The following MTUS2 variants were observed in gnomAD, a reference collection of about 807,000 sequenced individuals.
MTUS2 encodes microtubule-associated tumor suppressor candidate 2.
MTUS2 carries 40 observed loss-of-function variants against 114.1 expected under a neutral mutation model. The observed-to-expected ratio is 0.35, with a 90% confidence interval of 0.27 to 0.46. The LOEUF (loss-of-function observed/expected upper bound fraction) is 0.46, where lower values mean the gene tolerates loss of function less well. MTUS2 is among the 20% of genes least tolerant of loss of function. The pLI, the probability that MTUS2 is intolerant of heterozygous loss-of-function variation, is 1.00. For missense variants in MTUS2, 1,679 were observed against 1,705.4 expected (o/e 0.98, Z 0.27); for synonymous variants, 688 against 672.0 (o/e 1.02, Z -0.37).
At chr13:28,978,615 T>G (rs2138284358) in intron 2 of MTUS2, among the ~76,000 whole-genome samples, 1 of 152,350 alleles carries the variant, frequency 6.6e-6, no homozygotes, top group South Asian at 2.1e-4. Context: ...TCATTGGAAA[T>G]TACTGTGATG....
At chr13:28,996,309 AT>A (rs1333416016) in intron 2 of MTUS2, among the ~76,000 whole-genome samples, 5 of 152,138 alleles carry the variant, frequency 3.3e-5, no homozygotes, top group African/African-American at 4.8e-5. Context: ...CCAGTGTTTT[AT>A]TGGGGATTTT....
At chr13:28,862,147 C>A (rs920774903) in intron 2 of MTUS2, among the ~76,000 whole-genome samples, 1 of 152,138 alleles carries the variant, frequency 6.6e-6, no homozygotes, top group African/African-American at 2.4e-5. Context: ...AAGGAAATAG[C>A]ACAGATCAAT....
At chr13:28,944,539 A>G (rs1284214745) in intron 2 of MTUS2, among the ~76,000 whole-genome samples, 2 of 152,216 alleles carry the variant, frequency 1.3e-5, no homozygotes, top group African/African-American at 4.8e-5. Context: ...GGTCTTGTAT[A>G]TAATGACATT....
intron 2 of MTUS2, among the ~76,000 whole-genome samples, chr13:28,901,307 G>A (rs562897420): frequency 1.2e-3 from 183 of 152,228 alleles, no homozygotes; most frequent in African/African-American, 4.2e-3. Context: ...CTCCCAATGC[G>A]TAGCTTCTCT....
intron 5 of MTUS2, among the ~76,000 whole-genome samples, chr13:29,274,096 TTTTTG>T (rs1035629009): frequency 6.6e-6 from 1 of 151,676 alleles, no homozygotes; most frequent in African/African-American, 2.4e-5. Context: ...TTCTGTTTGT[TTTTTG>T]TTTTGTTTGT....
At chr13:29,335,983 T>C (rs1339966784) in intron 7 of MTUS2, among the ~76,000 whole-genome samples, 1 of 152,226 alleles carries the variant, frequency 6.6e-6, no homozygotes, top group East Asian at 1.9e-4. Flanking sequence ...GATTTGGCTA[T>C]TGAAACTTGT....
At chr13:28,826,303 ATTACT>A (rs1207234618) in intron 1 of MTUS2, among the ~76,000 whole-genome samples, 3 of 152,196 alleles carry the variant, frequency 2.0e-5, no homozygotes, top group African/African-American at 7.2e-5. Flanking sequence ...ATAAAAAATG[ATTACT>A]TTGGTCTCTT....
chr13:29,139,665 AATT>A (rs1892133842), intron 5 of MTUS2, among the ~76,000 whole-genome samples: 1 of 152,204 alleles, frequency 6.6e-6, no homozygotes, highest in Non-Finnish European at 1.5e-5. Flanking sequence ...AGATCTAGGT[AATT>A]ATTGCATTGT....
chr13:29,195,539 GAAAAAAAAAA>G (rs59726006), intron 5 of MTUS2, among the ~76,000 whole-genome samples: 1 of 78,522 alleles, frequency 1.3e-5, no homozygotes, highest in Non-Finnish European at 2.6e-5. Flanking sequence ...ACTTAATTCT[GAAAAAAAAAA>G]AAAAAAAAAA....
chr13:29,355,123 A>G (rs933451853), intron 7 of MTUS2, among the ~76,000 whole-genome samples: 1 of 152,252 alleles, frequency 6.6e-6, no homozygotes, highest in African/African-American at 2.4e-5. Flanking sequence ...TTCATCCATT[A>G]CAATCCTCTG....
At chr13:29,341,698 T>C (rs1300162544) in intron 7 of MTUS2, among the ~76,000 whole-genome samples, 2 of 152,186 alleles carry the variant, frequency 1.3e-5, no homozygotes, top group Non-Finnish European at 2.9e-5. Context: ...TTTGGGTTCG[T>C]GGTCATAAAA....
At chr13:28,928,722 C>T (rs1421628338) in intron 2 of MTUS2, among the ~76,000 whole-genome samples, 1 of 152,196 alleles carries the variant, frequency 6.6e-6, no homozygotes, top group Non-Finnish European at 1.5e-5. Context: ...AGCAATTCCA[C>T]TCCTGGGTAT....
chr13:29,495,985 G>A (rs1387610712), intron 12 of MTUS2, among the ~76,000 whole-genome samples: 1 of 151,972 alleles, frequency 6.6e-6, no homozygotes, highest in African/African-American at 2.4e-5. Context: ...GAGTTCATGG[G>A]AGACCCTAGT....
intron 5 of MTUS2, among the ~76,000 whole-genome samples, chr13:29,222,945 C>A (rs1235372482): frequency 1.3e-5 from 2 of 152,220 alleles, no homozygotes; most frequent in African/African-American, 2.4e-5. Context: ...CCCCTCTGGA[C>A]TTTGGGCACC....
intron 5 of MTUS2, among the ~76,000 whole-genome samples, chr13:29,280,850 T>C (rs1898238984): frequency 6.6e-6 from 1 of 152,212 alleles, no homozygotes; most frequent in Admixed American, 6.5e-5. Flanking sequence ...GATAGTGATG[T>C]CATTGTCTTT....
At chr13:29,170,598 G>T (rs774388054) in intron 5 of MTUS2, among the ~76,000 whole-genome samples, 1 of 152,144 alleles carries the variant, frequency 6.6e-6, no homozygotes, top group Non-Finnish European at 1.5e-5. Flanking sequence ...AATTTAAGCC[G>T]GTTTCCAGCT....
intron 4 of MTUS2, among the ~76,000 whole-genome samples, chr13:29,036,410 A>G (rs1887074873): frequency 6.6e-6 from 1 of 152,232 alleles, no homozygotes; most frequent in African/African-American, 2.4e-5. Context: ...AGATTTGTTT[A>G]CATCTAACCT....
At chr13:28,995,738 A>G (rs1046342754) in intron 2 of MTUS2, among the ~76,000 whole-genome samples, 1 of 152,210 alleles carries the variant, frequency 6.6e-6, no homozygotes, top group Non-Finnish European at 1.5e-5. Context: ...ATTTTTGCAC[A>G]TCGATTTTGT....
chr13:29,195,539 GA>G (rs59726006), intron 5 of MTUS2, among the ~76,000 whole-genome samples: 42,968 of 77,310 alleles, frequency 0.56, 9,748 homozygotes, highest in Middle Eastern at 0.7. Context: ...ACTTAATTCT[GA>G]AAAAAAAAAA....
Sources: allele counts gnomAD v4.1 joint callset (sites outside exome capture counted in the v4.1 genomes callset), GRCh38; gene constraint gnomAD v4.1.1; transcripts MANE v1.5; gene names NCBI Gene and HGNC (gene_info 2026-07-23, HGNC 2026-07-21).